The following PACS2 variants were observed in gnomAD, a reference collection of about 807,000 sequenced individuals.
The protein encoded by PACS2 is PACS1-like protein.
PACS2 carries 36 observed loss-of-function variants against 113.0 expected under a neutral mutation model. That is an observed-to-expected ratio of 0.32 (90% confidence interval 0.24 to 0.42). PACS2 has a LOEUF of 0.42. Among genes scored for constraint, PACS2 ranks in the 10% least tolerant of loss-of-function variants. The pLI, the probability that PACS2 is intolerant of heterozygous loss-of-function variation, is 1.00. For missense variants in PACS2, 1,015 were observed against 1,239.5 expected, an observed-to-expected ratio of 0.82 and a Z score of 2.72; for synonymous variants, 589 against 536.1, an observed-to-expected ratio of 1.10 and a Z score of -1.36.
At chr14:105,339,576 A>G (rs2059649844) in intron 1 of PACS2, among the ~76,000 whole-genome samples, 1 of 151,614 alleles carries the variant, frequency 6.6e-6, no homozygotes, top group African/African-American at 2.4e-5. Flanking sequence ...CATGCCTGCA[A>G]TCCTAGCACT....
At chr14:105,391,150 GGCGCT>G (rs1566971043) in intron 20 of PACS2, 52 bp from the exon 21 acceptor site, 1 of 1,403,572 alleles carries the variant, frequency 7.1e-7, no homozygotes, top group Non-Finnish European at 1.0e-6. Flanking sequence ...CCACTGGGAG[GGCGCT>G]GGGCTAGCTG....
rs1197475906 is a variant in PACS2 at position 105,376,593 on chromosome 14, C to T, written c.802-175C>T. On this transcript the variant is annotated intron_variant, in intron 8 of 24. Transcript: ENST00000447393. This position sits in a 1 kb window ranked among gnomAD's most constrained non-coding sequence, Gnocchi z 4.7. ...CCGGTACCTGGGGACCGGGGGTCCT[C>T]GGTGATCATCCCGAGCTCCAAGACA... Among the ~76,000 whole-genome samples, 4 of 152,128 alleles carry T rather than the reference C, an allele frequency of 2.6e-5. No homozygotes were observed. The highest frequency in any genetic ancestry group is 5.9e-5 in the Non-Finnish European group (4 of 68,006).
rs782264777 is a variant in PACS2, at chr14:105,391,744, A to G, written c.2233A>G (p.Ser745Gly). The change falls in exon 22 of 25, where the codon AGC becomes GGC. Residue 745 changes from serine to glycine, a missense_variant. Physicochemically the swap from Ser to Gly is moderately conservative, Grantham distance 56. This residue lies in a region of PACS2 where 859 missense variants were observed against 1,056.8 expected (regional missense o/e 0.81). Coordinates refer to ENST00000447393, the MANE Select transcript of PACS2 (RefSeq NM_001100913.3). ...SPTPPSSPSV[S>G]GGLSSPSQGV... The stretch of plus-strand genomic sequence containing the variant: ...CACCCCGCCCTCCTCCCCGTCGGTG[A>G]GCGGAGGCCTGTCCTCCCCCAGGTA... The G allele has an allele frequency of 6.3e-7, 1 of 1,595,330 alleles. No homozygotes were observed. Among genetic ancestry groups the G allele is most frequent in the South Asian group, 1.1e-5 (1 of 88,100 alleles).
intron 19 of PACS2, chr14:105,389,681 G>C: frequency 3.9e-6 from 2 of 510,392 alleles, no homozygotes; most frequent in South Asian, 4.5e-5. Context: ...GTGCCCTCTG[G>C]CCTGTCCTCC....
intron 1 of PACS2, among the ~76,000 whole-genome samples, chr14:105,345,131 G>A (rs1277991046): frequency 6.6e-6 from 1 of 150,384 alleles, no homozygotes; most frequent in Non-Finnish European, 1.5e-5. Context: ...ATCTGGCTGG[G>A]CGCAGTGGCT....
chr14:105,392,744 C>G lies in PACS2; in HGVS notation c.2381C>G (p.Thr794Ser). ...GTCACCAAAAACACGCTCAAGTGCA[C>G]TTTCCGGTCCCTCCAGGTCAGCAGG... Reference protein sequence around the residue: ...LPVTKNTLKCTFRSLQVSRLP... With the variant: ...LPVTKNTLKCSFRSLQVSRLP... Residue 794 changes from threonine (T) to serine (S), a missense_variant, in exon 23 of 25, where the codon ACT (threonine) becomes AGT (serine). Physicochemically the swap from Thr to Ser is moderately conservative, Grantham distance 58. Around this residue, in one of 3 missense-constraint regions of PACS2, gnomAD observed 859 missense variants for 1,056.8 expected, o/e 0.81. Transcript: ENST00000447393. 6.2e-7 allele frequency: 1 copy of G among 1,612,736 alleles called. No homozygotes were observed. Among genetic ancestry groups the G allele is most frequent in the East Asian group, 2.2e-5 (1 of 44,878 alleles).
chr14:105,320,449 A>G (rs888327474), intron 1 of PACS2, among the ~76,000 whole-genome samples: 1 of 152,276 alleles, frequency 6.6e-6, no homozygotes, highest in African/African-American at 2.4e-5. Flanking sequence ...GGCTCAAGCA[A>G]TCCTCCTGCC....
intron 1 of PACS2, among the ~76,000 whole-genome samples, chr14:105,305,479 A>G (rs1291982936): frequency 2.6e-5 from 4 of 152,204 alleles, no homozygotes; most frequent in African/African-American, 9.6e-5. Flanking sequence ...GTGAGGATGC[A>G]GGAAGAGGGC....
At chr14:105,390,971 A>G (rs906401232) in intron 20 of PACS2, 2 of 583,296 alleles carry the variant, frequency 3.4e-6, no homozygotes, top group Non-Finnish European at 6.1e-6. Context: ...CTTTAGAGAG[A>G]GCAGTCCCTC....
rs587697428 is a variant in PACS2 at position 105,356,820 on chromosome 14, C to T, written c.423+1643C>T. Among the ~76,000 whole-genome samples, 2 of 150,964 alleles carry T rather than the reference C, an allele frequency of 1.3e-5. No homozygotes were observed. The highest frequency in any genetic ancestry group is 4.9e-5 in the African/African-American group (2 of 40,580). On this transcript the variant is annotated intron_variant, in intron 4 of 24. Transcript: ENST00000447393. This position sits in a 1 kb window ranked among gnomAD's most constrained non-coding sequence, Gnocchi z 4.0. Reference sequence around the variant, plus strand: ...GTCCCTGTGTTTCCCATTAGCCATGCAGGCGATGTCCTGCTGATCCCTGCC... The same window carrying T: ...GTCCCTGTGTTTCCCATTAGCCATGTAGGCGATGTCCTGCTGATCCCTGCC...
chr14:105,304,535 T>A (rs1409074370), intron 1 of PACS2, among the ~76,000 whole-genome samples: 1 of 152,186 alleles, frequency 6.6e-6, no homozygotes, highest in East Asian at 1.9e-4. Flanking sequence ...AGGGTGAGGC[T>A]CTACTGGGCA....
chr14:105,384,312 G>T, intron 16 of PACS2, 41 bp from the exon 17 acceptor site: 2 of 1,233,762 alleles, frequency 1.6e-6, no homozygotes, highest in Non-Finnish European at 1.2e-6. Flanking sequence ...TTGCAGCTCC[G>T]AGTCCCCCGT....
At chr14:105,333,095 T>TGAGAGA (rs113817359) in intron 1 of PACS2, among the ~76,000 whole-genome samples, 2,011 of 151,784 alleles carry the variant, frequency 0.013, 46 homozygotes, top group African/African-American at 0.046. Context: ...GGCGTGGGTG[T>TGAGAGA]GAGAGAGAGA....
chr14:105,337,683 G>A (rs2140944078), intron 1 of PACS2, among the ~76,000 whole-genome samples: 1 of 152,340 alleles, frequency 6.6e-6, no homozygotes, highest in South Asian at 2.1e-4. Flanking sequence ...AAAATGGGAA[G>A]TGGTCTCCAA....
At chr14:105,386,262 T>C (rs1255414133) in intron 19 of PACS2, among the ~76,000 whole-genome samples, 1 of 152,160 alleles carries the variant, frequency 6.6e-6, no homozygotes, top group Non-Finnish European at 1.5e-5. Flanking sequence ...AGCAAGTAGT[T>C]AAGGAGCTGG....
intron 19 of PACS2, chr14:105,388,684 A>G (rs1298527662): frequency 6.6e-6 from 1 of 152,300 alleles, no homozygotes; most frequent in African/African-American, 2.4e-5. Context: ...TCCAGGGGCA[A>G]CAGGTGCTCC....
intron 1 of PACS2, among the ~76,000 whole-genome samples, chr14:105,338,104 G>A (rs2059592538): frequency 1.3e-5 from 2 of 152,220 alleles, no homozygotes; most frequent in South Asian, 2.1e-4. Context: ...TCTCAGACTG[G>A]GGCCTGGCGC....
rs781917054 is a variant in PACS2 at position 105,348,557 on chromosome 14, G to A, written c.184G>A (p.Val62Met). Residue 62 changes from valine (V) to methionine (M), a missense_variant, in exon 2 of 25, where the codon GTG (valine) becomes ATG (methionine). By Grantham distance (21) the Val-to-Met change is conservative (BLOSUM62 1). Transcript: ENST00000447393. This position sits in a 1 kb window ranked among gnomAD's most constrained non-coding sequence, Gnocchi z 6.4. ...FKELEKELIS[V>M]VIAVKMQGSK... The stretch of plus-strand genomic sequence containing the variant: ...GGAGCTGGAGAAGGAGCTGATCTCC[G>A]TGGTGATCGCTGTCAAGATGCAGGT... The A allele has an allele frequency of 9.3e-6, 15 of 1,611,428 alleles. No homozygotes were observed. Among genetic ancestry groups the A allele is most frequent in the Admixed American group, 5.0e-5 (3 of 59,992 alleles).
At chr14:105,394,525 G>A (rs782417199) in intron 24 of PACS2, 29 bp from the exon 25 acceptor site, 3 of 1,608,234 alleles carry the variant, frequency 1.9e-6, no homozygotes, top group Non-Finnish European at 1.7e-6. Context: ...GGGCAGGGGG[G>A]CAGGCGGTCA....
Sources: gnomAD v4.1 joint callset for allele counts (sites outside exome capture counted in the v4.1 genomes callset) on GRCh38, gnomAD v4.1.1 for gene constraint, gnomAD v4.1.1 regional missense constraint, Gnocchi (gnomAD v3.1) non-coding constraint, MANE v1.5 for transcripts, NCBI Gene and HGNC (gene_info 2026-07-23, HGNC 2026-07-21) for gene names.